The following NID1 variants were observed in gnomAD, a reference collection of about 807,000 sequenced individuals.
The protein encoded by NID1 is nidogen-1.
In NID1, 76 loss-of-function variants were observed where a neutral mutation model predicts 130.6. The observed-to-expected ratio is 0.58, with a 90% CI of 0.48 to 0.70. The LOEUF is 0.70. NID1 is among the 30% of genes least tolerant of loss of function. NID1 has a pLI of 0.00. For synonymous variants in NID1, 665 were observed against 675.1 expected (o/e 0.98, Z 0.23); for missense variants, 1,517 against 1,664.8 (o/e 0.91, Z 1.54).
At chr1:235,978,103 G>C in intron 19 of NID1, 115 bp from the exon 20 acceptor site, 1 of 1,244,968 alleles carries the variant, frequency 8.0e-7, no homozygotes. Context: ...TTGAAGCCAT[G>C]CTAGGAAGGC....
At chr1:236,011,705 T>C (rs1282115947) in intron 12 of NID1, among the ~76,000 whole-genome samples, 1 of 152,122 alleles carries the variant, frequency 6.6e-6, no homozygotes, top group Admixed American at 6.5e-5. Context: ...CGCCTCACCT[T>C]CTCTCCCAGG....
intron 6 of NID1, among the ~76,000 whole-genome samples, chr1:236,032,148 A>T (rs926850134): frequency 2.0e-5 from 3 of 152,156 alleles, no homozygotes; most frequent in African/African-American, 7.2e-5. Flanking sequence ...TCCACCACGA[A>T]ATTGCTCCTC....
chr1:236,024,995 G>A (rs983019148), intron 8 of NID1, among the ~76,000 whole-genome samples: 1 of 151,396 alleles, frequency 6.6e-6, no homozygotes, highest in African/African-American at 2.4e-5. Flanking sequence ...CTGCTGCCCA[G>A]GCTGGAGTGC....
intron 12 of NID1, among the ~76,000 whole-genome samples, chr1:236,008,286 G>GT (rs1658307052): frequency 6.6e-6 from 1 of 152,160 alleles, no homozygotes; most frequent in African/African-American, 2.4e-5. Flanking sequence ...ATTTCTCGTA[G>GT]TTTGTCTGTC....
Position 235,990,870 on chromosome 1 carries a change from A to G in NID1, c.2928+16T>C. ...GAAGCAGGAGCTGTCACCAGGTATA[A>G]TCAGCCAGCACTCACCGGGACATGA... On this transcript the variant is annotated intron_variant, in intron 14 of 19. Transcript: ENST00000264187. The G allele has an allele frequency of 6.2e-7, 1 of 1,613,784 alleles. No homozygotes were observed. Among genetic ancestry groups the G allele is most frequent in the Non-Finnish European group, 8.5e-7 (1 of 1,179,800 alleles).
rs1220766436 is a variant in NID1, at chr1:236,023,970, C to T, written c.2128+100G>A. On this transcript the variant is annotated intron_variant, in intron 9 of 19. Coordinates refer to ENST00000264187, the MANE Select transcript of NID1 (RefSeq NM_002508.3). The stretch of plus-strand genomic sequence containing the variant: ...CATGTCCACCAGTATTTATCTCATC[C>T]GTGCTTCCTTGCTGCACCCAGTTCT... 2.4e-5 allele frequency: 35 copies of T among 1,472,060 alleles called. No homozygotes were observed. The East Asian group carries it at 2.5e-4, about 11-fold the overall frequency. 91.2% of individuals were successfully genotyped at this position (1,472,060 alleles called of 1,614,324 possible).
chr1:236,013,074 C>A (rs982902361), intron 11 of NID1, among the ~76,000 whole-genome samples: 1 of 152,184 alleles, frequency 6.6e-6, no homozygotes, highest in Non-Finnish European at 1.5e-5. Flanking sequence ...AAAGGATAGA[C>A]TTTAATCTCC....
At position 235,977,668 on chromosome 1, in the gene NID1, G is replaced by A; in HGVS notation, c.*199C>T. The A allele has an allele frequency of 1.7e-6, 1 of 572,440 alleles. No homozygotes were observed. Among genetic ancestry groups the A allele is most frequent in the Admixed American group, 3.1e-5 (1 of 32,000 alleles). The allele number at this position is 572,440 out of a possible 1,614,324, so 35.5% of individuals were successfully genotyped here. A position where few individuals can be genotyped will look rare whatever the true frequency, so the allele number is the denominator to read the frequency against. On this transcript the variant is annotated 3_prime_UTR_variant, in exon 20 of 20. Transcript: ENST00000264187. ...GGGTGGAGGGTTCTGTCCTTGTGTA[G>A]GGGTGGAGACTTTTCTATTAGAGAA...
intron 1 of NID1, among the ~76,000 whole-genome samples, chr1:236,051,975 G>A (rs929005252): frequency 1.3e-5 from 2 of 152,184 alleles, no homozygotes; most frequent in Admixed American, 6.6e-5. Context: ...TTTGGACAAC[G>A]GTCATATAAC....
rs1428947422 is a variant in NID1 at position 236,065,061 on chromosome 1, G to C, written c.19C>G (p.Arg7Gly). 1.0e-5 allele frequency: 16 copies of C among 1,550,750 alleles called. No homozygotes were observed. Among genetic ancestry groups the C allele is most frequent in the Non-Finnish European group, 1.4e-5 (16 of 1,147,146 alleles). The change falls in exon 1 of 20, where the codon CGG (arginine) becomes GGG (glycine). Residue 7 changes from arginine to glycine, a missense_variant. Arg to Gly is a moderately radical substitution (Grantham distance 125). Transcript: ENST00000264187. The surrounding 1 kb of genome is among the most constrained non-coding windows in gnomAD (Gnocchi z 4.1). MLASSS[R>G]IRAAWTRALL... The stretch of plus-strand genomic sequence containing the variant: ...GCCCGCGTCCACGCAGCCCGGATCC[G>C]GCTGCTCGAGGCCAACATGTTCCCG...
At chr1:236,063,322 A>C (rs911174217) in intron 1 of NID1, among the ~76,000 whole-genome samples, 1 of 151,526 alleles carries the variant, frequency 6.6e-6, no homozygotes, top group Non-Finnish European at 1.5e-5. Context: ...AAATACAAAA[A>C]TTAGCCAAGT....
intron 1 of NID1, 145 bp downstream of exon 1, chr1:236,064,710 C>A: frequency 1.4e-6 from 1 of 710,860 alleles, no homozygotes; most frequent in Non-Finnish European, 2.4e-6. Context: ...CCTGCAGAGG[C>A]GGGAGACCCT....
chr1:236,063,880 G>T (rs931398548), intron 1 of NID1, among the ~76,000 whole-genome samples: 1 of 152,198 alleles, frequency 6.6e-6, no homozygotes, highest in Non-Finnish European at 1.5e-5. Context: ...CATGGGGGAG[G>T]GCTCTTTGTG....
intron 1 of NID1, among the ~76,000 whole-genome samples, chr1:236,060,055 G>C (rs937464142): frequency 6.7e-6 from 1 of 148,742 alleles, no homozygotes; most frequent in Non-Finnish European, 1.5e-5. Flanking sequence ...AGCCGACATC[G>C]TGCCACTGCA....
At chr1:236,053,292 T>C (rs1055364210) in intron 1 of NID1, among the ~76,000 whole-genome samples, 5 of 152,214 alleles carry the variant, frequency 3.3e-5, no homozygotes, top group African/African-American at 1.2e-4. Flanking sequence ...AAATAAGCCA[T>C]AGGAACTTAA....
intron 17 of NID1, 143 bp downstream of exon 17, chr1:235,980,352 CA>C: frequency 1.3e-6 from 1 of 768,988 alleles, no homozygotes; most frequent in East Asian, 2.7e-5. Context: ...TTTAATGTAC[CA>C]GATAAAACCG....
Position 235,985,441 on chromosome 1 carries a change from G to A in NID1, c.2993C>T (p.Thr998Ile). The change falls in exon 15 of 20, where the codon ACT becomes ATT. Residue 998 changes from threonine to isoleucine, a missense_variant. Thr to Ile is a moderately conservative substitution (Grantham distance 89). Around this residue, in one of 3 missense-constraint regions of NID1, gnomAD observed 1,329 missense variants for 1,429.2 expected, o/e 0.93. Transcript: ENST00000264187. ...ACTAGCTCTCCCAATGGAAGGCTCA[G>A]TGATGTCCGTCCAGTAAACCATCTT... ...VDKMVYWTDI[T>I]EPSIGRASLH... is the part of the protein sequence containing the mutation. The A allele has an allele frequency of 6.2e-7, 1 of 1,614,076 alleles. No homozygotes were observed. Among genetic ancestry groups the A allele is most frequent in the Non-Finnish European group, 8.5e-7 (1 of 1,179,912 alleles).
chr1:236,055,828 A>G (rs1659884786), intron 1 of NID1, among the ~76,000 whole-genome samples: 1 of 152,214 alleles, frequency 6.6e-6, no homozygotes, highest in Admixed American at 6.5e-5. Context: ...TTATTGAGGT[A>G]TAACTGATAA....
Position 235,993,740 on chromosome 1 carries a change from G to C in NID1, c.2660C>G (p.Thr887Ser). Reference protein sequence around the residue: ...ECDAHGHYAPTQCHGSTGYCW... With the variant: ...ECDAHGHYAPSQCHGSTGYCW... ...GTAGCCGGTGCTGCCGTGGCACTGG[G>C]TGGGCGCGTAGTGCCCGTGCGCATC... is the stretch of plus-strand genomic sequence containing the variant. Residue 887 changes from threonine to serine, a missense_variant, in exon 13 of 20, where the codon ACC becomes AGC. Coordinates refer to ENST00000264187, the MANE Select transcript of NID1 (RefSeq NM_002508.3). 6.2e-7 allele frequency: 1 copy of C among 1,613,030 alleles called. No individual in the cohort carries two copies. Among genetic ancestry groups the C allele is most frequent in the Non-Finnish European group, 8.5e-7 (1 of 1,179,398 alleles).
Sources: gnomAD v4.1 joint callset for allele counts (sites outside exome capture counted in the v4.1 genomes callset) on GRCh38, gnomAD v4.1.1 for gene constraint, gnomAD v4.1.1 regional missense constraint, Gnocchi (gnomAD v3.1) non-coding constraint, MANE v1.5 for transcripts, NCBI Gene and HGNC (gene_info 2026-07-23, HGNC 2026-07-21) for gene names.